The following TAPBPL variants were observed in gnomAD, a reference collection of about 807,000 sequenced individuals.
TAPBPL encodes the protein TAP binding protein like.
A neutral mutation model predicts 44.8 loss-of-function variants in TAPBPL; 32 were observed. That is an observed-to-expected ratio of 0.71 (90% CI 0.54 to 0.96). The LOEUF (loss-of-function observed/expected upper bound fraction) is 0.96, where lower values mean the gene tolerates loss of function less well. Ranked by LOEUF, TAPBPL falls within the 40% of genes least tolerant of loss-of-function variation. The pLI is 0.00. For synonymous variants in TAPBPL, 230 were observed against 240.7 expected (o/e 0.96, Z 0.41); for missense variants, 520 against 586.6 (o/e 0.89, Z 1.17).
At chr12:6,463,621 C>A, downstream of TAPBPL, 3 of 1,085,590 alleles carry the variant, frequency 2.8e-6, no homozygotes, top group Non-Finnish European at 3.4e-6. This position sits in a 1 kb window ranked among gnomAD's most constrained non-coding sequence, Gnocchi z 4.0. Flanking sequence ...CAATCTCTCT[C>A]TTTATGCCAA....
downstream of TAPBPL, chr12:6,463,562 T>C: frequency 9.5e-7 from 1 of 1,057,024 alleles, no homozygotes; most frequent in Non-Finnish European, 1.1e-6. The surrounding 1 kb of genome is among the most constrained non-coding windows in gnomAD (Gnocchi z 4.0). Context: ...TCTGAGCTTG[T>C]TACTTTCAAA....
At chr12:6,459,846 C>T (rs896394930) in intron 5 of TAPBPL, among the ~76,000 whole-genome samples, 4 of 151,974 alleles carry the variant, frequency 2.6e-5, no homozygotes, top group African/African-American at 9.7e-5. Flanking sequence ...TCTCAGCTCA[C>T]TGCAACCTCC....
rs1416311598 is a variant in TAPBPL, at chr12:6,452,114, G to A, written c.-135G>A. 9.4e-7 allele frequency: 1 copy of A among 1,060,178 alleles called. No individual in the cohort carries two copies. Among genetic ancestry groups the A allele is most frequent in the Non-Finnish European group, 1.4e-6 (1 of 716,178 alleles). The allele number at this position is 1,060,178 out of a possible 1,614,324, so 65.7% of individuals were successfully genotyped here. On this transcript the variant is annotated 5_prime_UTR_variant, in exon 1 of 7. Coordinates refer to ENST00000266556, the MANE Select transcript of TAPBPL (RefSeq NM_018009.5). ...AGTGAAAGAAAAGTCGGCAGCAGAGGGAACAGGGAAGAAACCTAAAGGCTG... is the reference window on the plus strand; with the variant it reads ...AGTGAAAGAAAAGTCGGCAGCAGAGAGAACAGGGAAGAAACCTAAAGGCTG...
chr12:6,452,933 GAC>G, intron 1 of TAPBPL, 132 bp from the exon 2 acceptor site: 1 of 927,650 alleles, frequency 1.1e-6, no homozygotes. Flanking sequence ...AGAATAGAGG[GAC>G]ACAGAAACAG....
chr12:6,461,783 G>A (rs1015303625), intron 6 of TAPBPL, among the ~76,000 whole-genome samples: 8 of 152,108 alleles, frequency 5.3e-5, no homozygotes, highest in African/African-American at 1.9e-4. Flanking sequence ...CTTTTTATTC[G>A]TTTCTAAAAT....
At chr12:6,454,717 G>T (rs1376108520) in intron 3 of TAPBPL, among the ~76,000 whole-genome samples, 1 of 152,106 alleles carries the variant, frequency 6.6e-6, no homozygotes, top group African/African-American at 2.4e-5. Flanking sequence ...GTGCTTCAGG[G>T]GTAAAGCTCA....
At chr12:6,454,318 A>G (rs952431724) in intron 3 of TAPBPL, among the ~76,000 whole-genome samples, 1 of 151,992 alleles carries the variant, frequency 6.6e-6, no homozygotes, top group African/African-American at 2.4e-5. Context: ...AAATACAGAA[A>G]TTAGCCGGGC....
chr12:6,466,363 C>T (rs1240220351), downstream of TAPBPL: 8 of 1,611,360 alleles, frequency 5.0e-6, no homozygotes, highest in Non-Finnish European at 6.8e-6. Flanking sequence ...TGTGGAAAGA[C>T]ATGTGCAGAG....
downstream of TAPBPL, chr12:6,462,421 G>A: frequency 2.0e-6 from 1 of 494,872 alleles, no homozygotes; most frequent in Non-Finnish European, 3.6e-6. Flanking sequence ...TCGTCTCATG[G>A]CAAACCGAAG....
chr12:6,470,674 T>TA (rs1945753603), downstream of TAPBPL: 7 of 1,063,638 alleles, frequency 6.6e-6, no homozygotes, highest in Admixed American at 2.0e-5. Context: ...CGCTGGAACT[T>TA]ACTGCAGCTG....
downstream of TAPBPL, chr12:6,466,223 A>C (rs967689530): frequency 2.5e-6 from 4 of 1,613,908 alleles, no homozygotes; most frequent in Non-Finnish European, 3.4e-6. Context: ...CTATCTACCT[A>C]CCTCCTCCAC....
downstream of TAPBPL, chr12:6,466,531 AAAAG>A: frequency 1.8e-6 from 1 of 567,498 alleles, no homozygotes; most frequent in South Asian, 2.4e-5. Flanking sequence ...AAAACAGACA[AAAAG>A]AAAGGACTCA....
chr12:6,463,260 GGA>G (rs1030522170), downstream of TAPBPL: 59 of 1,363,638 alleles, frequency 4.3e-5, no homozygotes, highest in African/African-American at 7.5e-4. The surrounding 1 kb of genome is among the most constrained non-coding windows in gnomAD (Gnocchi z 4.0). Flanking sequence ...CGGCTCTCAA[GGA>G]GAGGGCCCCA....
chr12:6,464,402 A>G (rs1315491049), downstream of TAPBPL: 1 of 1,556,572 alleles, frequency 6.4e-7, no homozygotes, highest in South Asian at 1.2e-5. Context: ...GTGTGTTGAG[A>G]GAGCAAACAG....
At chr12:6,463,528 T>C, downstream of TAPBPL, 1 of 1,046,080 alleles carries the variant, frequency 9.6e-7, no homozygotes, top group Non-Finnish European at 1.2e-6. This position sits in a 1 kb window ranked among gnomAD's most constrained non-coding sequence, Gnocchi z 4.0. Context: ...GGACCCTCTT[T>C]AACGAGGGCA....
At chr12:6,460,358 C>T (rs569925176) in intron 5 of TAPBPL, among the ~76,000 whole-genome samples, 9 of 152,244 alleles carry the variant, frequency 5.9e-5, no homozygotes, top group South Asian at 2.1e-4. Flanking sequence ...CTCTGCCTCC[C>T]AGGCTCAAGT....
downstream of TAPBPL, chr12:6,465,064 A>T: frequency 2.1e-6 from 3 of 1,454,108 alleles, no homozygotes; most frequent in Non-Finnish European, 2.8e-6. Context: ...CCCATCACCC[A>T]GGAGACCTGC....
chr12:6,466,402 G>C, downstream of TAPBPL: 1 of 1,578,458 alleles, frequency 6.3e-7, no homozygotes. Context: ...CAAGAAAGGA[G>C]CTGGGCGTGG....
At chr12:6,465,390 A>ATATATATAAATGTATATATATG (rs1565526122), downstream of TAPBPL, 13 of 96,904 alleles carry the variant, frequency 1.3e-4, no homozygotes, top group Admixed American at 4.5e-4. Context: ...ATATATGTAT[A>ATATATATAAATGTATATATATG]TATATATATA....
Sources: allele counts gnomAD v4.1 joint callset (sites outside exome capture counted in the v4.1 genomes callset), GRCh38; gene constraint gnomAD v4.1.1; non-coding constraint Gnocchi (gnomAD v3.1); transcripts MANE v1.5; gene names NCBI Gene and HGNC (gene_info 2026-07-23, HGNC 2026-07-21).